The following TCF24 variants were observed in gnomAD, a reference collection of about 807,000 sequenced individuals.
TCF24 encodes the protein transcription factor 24.
In TCF24, 5 loss-of-function variants were observed where a neutral mutation model predicts 9.3. The ratio of observed to expected loss-of-function variants is 0.54; its 90% CI spans 0.28 to 1.13. The LOEUF (loss-of-function observed/expected upper bound fraction) is 1.13, where lower values mean the gene tolerates loss of function less well. Among genes scored for constraint, TCF24 ranks in the 50% most tolerant of loss-of-function variants. The probability of loss-of-function intolerance (pLI) is 0.09; values close to 1 mark genes in which losing one functional copy is unlikely to be tolerated. For missense variants in TCF24, 220 were observed against 236.1 expected (o/e 0.93, Z 0.45); for synonymous variants, 110 against 115.8 (o/e 0.95, Z 0.32).
chr8:66,955,025 C>G (rs1376325763), intron 3 of TCF24: 1 of 157,440 alleles, frequency 6.4e-6, no homozygotes, highest in Non-Finnish European at 1.4e-5. Context: ...CCCGGTACCT[C>G]AGATGGGAAT....
At chr8:66,949,230 A>G (rs1029608895) in intron 3 of TCF24, among the ~76,000 whole-genome samples, 31 of 151,918 alleles carry the variant, frequency 2.0e-4, no homozygotes, top group African/African-American at 7.5e-4. Flanking sequence ...CATTAGGTAT[A>G]TCTCCCAATG....
chr8:66,948,371 A>T (rs1310633011), intron 3 of TCF24, among the ~76,000 whole-genome samples: 1 of 152,236 alleles, frequency 6.6e-6, no homozygotes, highest in Non-Finnish European at 1.5e-5. Flanking sequence ...TCAGACTTTG[A>T]TTAACATTTT....
chr8:66,948,225 G>T, intron 3 of TCF24, 61 bp from the exon 4 acceptor site: 2 of 1,185,376 alleles, frequency 1.7e-6, no homozygotes, highest in South Asian at 1.7e-5. Context: ...TATTAACATG[G>T]TCTACAATGT....
chr8:66,950,600 T>G (rs908527555), intron 3 of TCF24, among the ~76,000 whole-genome samples: 124 of 152,228 alleles, frequency 8.1e-4, no homozygotes, highest in Middle Eastern at 6.8e-3. Flanking sequence ...ATATGAACTT[T>G]AAAGTAGTTT....
chr8:66,953,551 G>A (rs1298265612), intron 3 of TCF24, among the ~76,000 whole-genome samples: 1 of 149,714 alleles, frequency 6.7e-6, no homozygotes, highest in Non-Finnish European at 1.5e-5. Context: ...TTTCAACTTT[G>A]GTGAATCTGA....
intron 3 of TCF24, among the ~76,000 whole-genome samples, chr8:66,954,804 T>C (rs1814126643): frequency 1.3e-5 from 2 of 150,148 alleles, no homozygotes; most frequent in South Asian, 4.2e-4. Context: ...TGGTGTGCCG[T>C]TTTTTAAGCC....
rs770994439 is a variant in TCF24 at position 66,948,135 on chromosome 8, G to A, written c.420C>T (p.Ile140=). Residue 140 remains isoleucine, a synonymous_variant, in exon 4 of 4, where the codon ATC becomes ATT. Coordinates refer to ENST00000563496, the MANE Select transcript of TCF24 (RefSeq NM_001193502.2). The stretch of plus-strand genomic sequence containing the variant: ...GCTTCAGAAACTGACCAGTAGCACC[G>A]ATGTACAATCTTGATCGCATGGGCC... ...KKWPMRSRLY[I]GATGQFLKHS... 7.2e-6 allele frequency: 11 copies of A among 1,533,560 alleles called. 1 individual carries two copies. The highest frequency in any genetic ancestry group is 4.0e-5 in the Admixed American group (2 of 50,236). 95.0% of individuals were successfully genotyped at this position (1,533,560 alleles called of 1,614,324 possible).
Position 66,961,427 on chromosome 8 carries a change from C to A in TCF24, c.339G>T (p.Ala113=). ...CGCGCAGGGCGCCCAACCCGGCGTC[C>A]GCCGGCGCCTCGGCGTCGTCCTGCA... is the stretch of plus-strand genomic sequence containing the variant. ...RSLQDDAEAP[A]DAGLGALRGD... is the part of the protein sequence containing the mutation. Residue 113 remains alanine (A), a synonymous_variant, in exon 3 of 4, where the codon GCG becomes GCT. Coordinates refer to ENST00000563496, the MANE Select transcript of TCF24 (RefSeq NM_001193502.2). 1 of 1,519,640 alleles carries A rather than the reference C, an allele frequency of 6.6e-7. No homozygotes were observed. Among genetic ancestry groups the A allele is most frequent in the Non-Finnish European group, 8.8e-7 (1 of 1,140,014 alleles). 94.1% of individuals were successfully genotyped at this position (1,519,640 alleles called of 1,614,324 possible). A position where few individuals can be genotyped will look rare whatever the true frequency, so the allele number is the denominator to read the frequency against.
intron 3 of TCF24, among the ~76,000 whole-genome samples, chr8:66,948,515 A>T (rs1813998122): frequency 6.6e-6 from 1 of 152,244 alleles, no homozygotes. Flanking sequence ...TAAGACTAAA[A>T]CTAGATCCTG....
chr8:66,954,678 C>T (rs1440509709), intron 3 of TCF24, among the ~76,000 whole-genome samples: 3 of 152,060 alleles, frequency 2.0e-5, no homozygotes, highest in Admixed American at 1.3e-4. Context: ...CAATGGCGGG[C>T]GCCCCTCCCC....
chr8:66,954,464 G>T (rs1465956776), intron 3 of TCF24, among the ~76,000 whole-genome samples: 2 of 152,140 alleles, frequency 1.3e-5, no homozygotes, highest in African/African-American at 4.8e-5. Flanking sequence ...CAGATCTCCA[G>T]CTGCGTGCTG....
At chr8:66,949,398 T>C (rs534391576) in intron 3 of TCF24, among the ~76,000 whole-genome samples, 221 of 152,232 alleles carry the variant, frequency 1.5e-3, no homozygotes, top group African/African-American at 5.1e-3. Flanking sequence ...AATGATGATT[T>C]CCAATTTCAT....
chr8:66,961,351 C>T, intron 3 of TCF24, 25 bp downstream of exon 3: 3 of 1,433,044 alleles, frequency 2.1e-6, no homozygotes, highest in Non-Finnish European at 2.7e-6. Context: ...CGGCCCCAGC[C>T]CCGCGGTGCG....
intron 3 of TCF24, among the ~76,000 whole-genome samples, chr8:66,952,813 CTCT>C (rs1814079787): frequency 6.6e-6 from 1 of 150,930 alleles, no homozygotes; most frequent in African/African-American, 2.4e-5. Flanking sequence ...GGATAGTTAG[CTCT>C]TCTTGTTGAA....
At chr8:66,948,231 A>C in intron 3 of TCF24, 67 bp from the exon 4 acceptor site, 8 of 1,111,034 alleles carry the variant, frequency 7.2e-6, no homozygotes, top group Non-Finnish European at 9.9e-6. Context: ...CATGGTCTAC[A>C]ATGTTAAAGA....
chr8:66,961,581 AC>A lies in TCF24; in HGVS notation c.184del (p.Val62CysfsTer86). 1 of 1,421,776 alleles carries A rather than the reference AC, an allele frequency of 7.0e-7. No homozygotes were observed. Among genetic ancestry groups the A allele is most frequent in the Non-Finnish European group, 9.2e-7 (1 of 1,087,894 alleles). 88.1% of individuals were successfully genotyped at this position (1,421,776 alleles called of 1,614,324 possible). ...AANAARERSR[V>X]QTLRHAFLEL... ...CAGGAAAGCGTGCCGCAGGGTCTGC[AC>A]CCGGCTGCGCTCCCGCGCCGCATTC... On this transcript the variant is annotated frameshift_variant, in exon 3 of 4. Coordinates refer to ENST00000563496, the MANE Select transcript of TCF24 (RefSeq NM_001193502.2). LOFTEE classifies it high-confidence loss of function.
chr8:66,961,822 G>A (rs1017589445), intron 2 of TCF24, 34 bp from the exon 3 acceptor site: 1 of 1,072,608 alleles, frequency 9.3e-7, no homozygotes, highest in Non-Finnish European at 1.1e-6. Flanking sequence ...GAGGCCGGGG[G>A]GCGGTCGGGC....
chr8:66,961,381 C>A lies in TCF24; in HGVS notation c.385G>T (p.Val129Phe). Reference sequence around the variant, plus strand: ...GGTGCGCCCCGCCCGCTTACCTTGACCGGGTGCAGGTAGCCATCGCCGCGC... The same window carrying A: ...GGTGCGCCCCGCCCGCTTACCTTGAACGGGTGCAGGTAGCCATCGCCGCGC... ...ALRGDGYLHP[V>F]KKWPMRSRLY... The change falls in exon 3 of 4, where the codon GTC becomes TTC. Residue 129 changes from valine (V) to phenylalanine (F), a missense_variant. Transcript: ENST00000563496. The A allele has an allele frequency of 6.7e-7, 1 of 1,491,820 alleles. No homozygotes were observed. Among genetic ancestry groups the A allele is most frequent in the Non-Finnish European group, 8.9e-7 (1 of 1,127,404 alleles). The allele number at this position is 1,491,820 out of a possible 1,614,324, so 92.4% of individuals were successfully genotyped here.
chr8:66,948,369 T>C (rs1451891887), intron 3 of TCF24, among the ~76,000 whole-genome samples: 1 of 152,216 alleles, frequency 6.6e-6, no homozygotes, highest in East Asian at 1.9e-4. Flanking sequence ...ACTCAGACTT[T>C]GATTAACATT....
Sources: gnomAD v4.1 joint callset for allele counts (sites outside exome capture counted in the v4.1 genomes callset) on GRCh38, gnomAD v4.1.1 for gene constraint, MANE v1.5 for transcripts, NCBI Gene and HGNC (gene_info 2026-07-23, HGNC 2026-07-21) for gene names.